The following HS3ST4 variants were observed in gnomAD, a reference collection of about 807,000 sequenced individuals.
The protein encoded by HS3ST4 is heparan sulfate-glucosamine 3-sulfotransferase 4.
In HS3ST4, 17 loss-of-function variants were observed where a neutral mutation model predicts 29.2. That is an observed-to-expected ratio of 0.58 (90% CI 0.40 to 0.87). The LOEUF (loss-of-function observed/expected upper bound fraction) is 0.87. Among genes scored for constraint, HS3ST4 ranks in the 40% least tolerant of loss-of-function variants. HS3ST4 has a pLI of 0.00. For synonymous variants in HS3ST4, 314 were observed against 285.7 expected (o/e 1.10, Z -1.00); for missense variants, 627 against 634.5 (o/e 0.99, Z 0.13).
intron 1 of HS3ST4, among the ~76,000 whole-genome samples, chr16:26,017,176 G>T (rs1311834486): frequency 6.6e-6 from 1 of 152,170 alleles, no homozygotes; most frequent in East Asian, 1.9e-4. Flanking sequence ...ACAGAAATTA[G>T]TACCATGAGT....
At chr16:26,127,246 G>C (rs1311397181) in intron 1 of HS3ST4, among the ~76,000 whole-genome samples, 1 of 152,150 alleles carries the variant, frequency 6.6e-6, no homozygotes. Flanking sequence ...AAGCCATTAA[G>C]CAGGAAATTC....
intron 1 of HS3ST4, among the ~76,000 whole-genome samples, chr16:25,907,211 A>G (rs1968187808): frequency 6.6e-6 from 1 of 152,112 alleles, no homozygotes; most frequent in African/African-American, 2.4e-5. Context: ...TATTAAAATT[A>G]AAATAAAAAA....
chr16:25,840,863 C>T (rs1439460322), intron 1 of HS3ST4, among the ~76,000 whole-genome samples: 1 of 152,176 alleles, frequency 6.6e-6, no homozygotes, highest in Non-Finnish European at 1.5e-5. Flanking sequence ...GGATGCCAAA[C>T]CCAATCCATG....
At position 25,959,808 on chromosome 16, in the gene HS3ST4, G is replaced by A. The variant is rs560788100; in HGVS notation, c.735-175804G>A. Among the ~76,000 whole-genome samples the A allele has an allele frequency of 3.3e-5, 5 of 152,174 alleles. No individual in the cohort carries two copies. The East Asian group carries it at 5.8e-4, about 18-fold the overall frequency. Reference sequence around the variant, plus strand: ...CCCTCATTACCTTGGTAATGAGTGAGTTCTTGCTGTATTAGTTCATGCAAG... The same window carrying A: ...CCCTCATTACCTTGGTAATGAGTGAATTCTTGCTGTATTAGTTCATGCAAG... On this transcript the variant is annotated intron_variant, in intron 1 of 1. Coordinates refer to ENST00000331351, the MANE Select transcript of HS3ST4 (RefSeq NM_006040.3).
At chr16:26,057,329 G>A (rs1443684666) in intron 1 of HS3ST4, among the ~76,000 whole-genome samples, 1 of 152,146 alleles carries the variant, frequency 6.6e-6, no homozygotes, top group African/African-American at 2.4e-5. Context: ...CAAAGGTAGG[G>A]CCTTTCACAG....
chr16:25,923,728 A>T (rs4441274), intron 1 of HS3ST4, among the ~76,000 whole-genome samples: 43,591 of 152,056 alleles, frequency 0.29, 7,075 homozygotes, highest in African/African-American at 0.42. Context: ...AGATCTGATG[A>T]GCAGCTCTAG....
At chr16:25,741,056 G>A (rs1966648796) in intron 1 of HS3ST4, among the ~76,000 whole-genome samples, 1 of 151,322 alleles carries the variant, frequency 6.6e-6, no homozygotes, top group African/African-American at 2.5e-5. Flanking sequence ...GTGTGTGTCT[G>A]TATGTACTTT....
chr16:25,732,813 T>G (rs1966579614), intron 1 of HS3ST4, among the ~76,000 whole-genome samples: 1 of 152,224 alleles, frequency 6.6e-6, no homozygotes, highest in African/African-American at 2.4e-5. Flanking sequence ...ACTTCCTAGC[T>G]GTGGGACTTC....
chr16:25,724,365 CTTTTT>C (rs111516910), intron 1 of HS3ST4, among the ~76,000 whole-genome samples: 3 of 142,634 alleles, frequency 2.1e-5, no homozygotes, highest in Non-Finnish European at 3.1e-5. Flanking sequence ...CTCCCCTCAA[CTTTTT>C]TTTTTTTTTT....
intron 1 of HS3ST4, among the ~76,000 whole-genome samples, chr16:26,107,531 C>A (rs1398691179): frequency 6.6e-6 from 1 of 152,062 alleles, no homozygotes; most frequent in Admixed American, 6.6e-5. Flanking sequence ...GTTTTTTATC[C>A]CTCACTGCCA....
chr16:25,992,174 C>T (rs931671903), intron 1 of HS3ST4, among the ~76,000 whole-genome samples: 3 of 152,072 alleles, frequency 2.0e-5, no homozygotes, highest in Non-Finnish European at 2.9e-5. Flanking sequence ...GGTGGACAAA[C>T]GAGATATTTA....
chr16:25,712,435 C>G (rs1300328759), intron 1 of HS3ST4, among the ~76,000 whole-genome samples: 3 of 151,994 alleles, frequency 2.0e-5, no homozygotes, highest in African/African-American at 4.8e-5. Flanking sequence ...GTGGGAGGAT[C>G]CCTTGAGCCC....
intron 1 of HS3ST4, among the ~76,000 whole-genome samples, chr16:25,788,199 G>T (rs1966860398): frequency 6.6e-6 from 1 of 152,236 alleles, no homozygotes. Context: ...AATCACCTGA[G>T]GTCAGGAGTT....
At chr16:26,025,275 A>G (rs1436306698) in intron 1 of HS3ST4, 1 of 154,584 alleles carries the variant, frequency 6.5e-6, no homozygotes. Flanking sequence ...GCCTTTCAAC[A>G]TAATGGCAAA....
chr16:25,963,876 T>A (rs531947056), intron 1 of HS3ST4, among the ~76,000 whole-genome samples: 33 of 152,230 alleles, frequency 2.2e-4, no homozygotes, highest in Non-Finnish European at 3.8e-4. Flanking sequence ...ACACATTTTT[T>A]AAAAAGTCCC....
rs570548834 is a variant in HS3ST4, at chr16:26,075,370, C to G, written c.735-60242C>G. On this transcript the variant is annotated intron_variant, in intron 1 of 1. Transcript: ENST00000331351. ...GACCATCATTAACAAGTCTCTCCCT[C>G]TTATTAGGTAGTAATTACCCGAGAA... 2.0e-5 allele frequency among the ~76,000 whole-genome samples: 3 copies of G among 152,304 alleles called. No individual in the cohort carries two copies. In the South Asian group the frequency reaches 6.2e-4, roughly 32 times the overall value.
intron 1 of HS3ST4, among the ~76,000 whole-genome samples, chr16:25,747,687 C>T (rs1966693500): frequency 6.6e-6 from 1 of 152,198 alleles, no homozygotes. Context: ...CTCTCAGTCC[C>T]TGCGCTTGTT....
chr16:25,941,532 G>GT (rs1431807275), intron 1 of HS3ST4, among the ~76,000 whole-genome samples: 7 of 151,544 alleles, frequency 4.6e-5, no homozygotes. Context: ...TTTTCTTTTT[G>GT]TTTTTTTGTT....
chr16:25,751,918 A>T (rs1244229714), intron 1 of HS3ST4, among the ~76,000 whole-genome samples: 1 of 152,062 alleles, frequency 6.6e-6, no homozygotes, highest in African/African-American at 2.4e-5. Context: ...TGTACATTAG[A>T]TTGTTTTTTA....
Sources: allele counts gnomAD v4.1 joint callset (sites outside exome capture counted in the v4.1 genomes callset), GRCh38; gene constraint gnomAD v4.1.1; transcripts MANE v1.5; gene names NCBI Gene and HGNC (gene_info 2026-07-23, HGNC 2026-07-21).